WNT9B: variants seen among roughly 807,000 people sequenced by gnomAD.
WNT9B encodes the protein protein Wnt-9b.
Under a neutral mutation model 30.2 loss-of-function variants are expected in WNT9B, and 12 were observed. The ratio of observed to expected loss-of-function variants is 0.40; its 90% CI spans 0.26 to 0.64. The LOEUF (loss-of-function observed/expected upper bound fraction) is 0.64, where lower values mean the gene tolerates loss of function less well. Among genes scored for constraint, WNT9B ranks in the 30% least tolerant of loss-of-function variants. The pLI, the probability that WNT9B is intolerant of heterozygous loss-of-function variation, is 0.42. For synonymous variants in WNT9B, 218 were observed against 216.9 expected (o/e 1.01, Z -0.05); for missense variants, 442 against 485.2 (o/e 0.91, Z 0.84).
rs377194393 is a variant in WNT9B at position 46,879,479 on chromosome 17, G to A, written c.*2761G>A. On this transcript the variant is annotated 3_prime_UTR_variant, in exon 4 of 4. Transcript: ENST00000290015. ...TCTTACTCATAATGATAATGACAACGAGAATTCCCACACCTGGCATTTGTA... is the reference window on the plus strand; with the variant it reads ...TCTTACTCATAATGATAATGACAACAAGAATTCCCACACCTGGCATTTGTA... Among the ~76,000 whole-genome samples the A allele has an allele frequency of 2.0e-5, 3 of 152,206 alleles. No individual in the cohort carries two copies. The highest frequency in any genetic ancestry group is 6.5e-5 in the Admixed American group (1 of 15,278).
chr17:46,835,729 G>T (rs2084620604), intron 1 of WNT9B, among the ~76,000 whole-genome samples: 3 of 152,244 alleles, frequency 2.0e-5, no homozygotes. Context: ...AGTTGTTAAG[G>T]GTTGGGAGAA....
At chr17:46,859,370 A>T (rs1372575567) in intron 1 of WNT9B, among the ~76,000 whole-genome samples, 1 of 152,148 alleles carries the variant, frequency 6.6e-6, no homozygotes, top group Non-Finnish European at 1.5e-5. Context: ...TTGCATATGA[A>T]TGTCCACGTG....
intron 1 of WNT9B, among the ~76,000 whole-genome samples, chr17:46,858,468 T>C (rs955173994): frequency 1.2e-4 from 17 of 143,888 alleles, no homozygotes; most frequent in African/African-American, 4.9e-4. Flanking sequence ...TTTCTCCTTT[T>C]TATTTTATTT....
downstream of WNT9B, among the ~76,000 whole-genome samples, chr17:46,883,805 CCTCT>C (rs1184557869): frequency 1.3e-5 from 2 of 152,090 alleles, no homozygotes; most frequent in Non-Finnish European, 2.9e-5. Flanking sequence ...CTTGTCTTCT[CCTCT>C]CTCTCTTTCT....
intron 1 of WNT9B, among the ~76,000 whole-genome samples, chr17:46,841,766 G>A (rs905186980): frequency 1.3e-5 from 2 of 152,226 alleles, no homozygotes; most frequent in Admixed American, 6.5e-5. Flanking sequence ...TGAGGCAGGC[G>A]GACAGGGAAG....
At chr17:46,838,053 T>A (rs2084654420) in intron 1 of WNT9B, among the ~76,000 whole-genome samples, 1 of 152,062 alleles carries the variant, frequency 6.6e-6, no homozygotes, top group Non-Finnish European at 1.5e-5. Context: ...CCAACCCCTG[T>A]GTTGAGGGGG....
chr17:46,875,026 AG>A, intron 2 of WNT9B, 74 bp from the exon 3 acceptor site: 4 of 1,610,558 alleles, frequency 2.5e-6, no homozygotes, highest in Non-Finnish European at 3.4e-6. Flanking sequence ...AGAGGGCGGC[AG>A]GCAACCTCTA....
At chr17:46,875,517 C>A in intron 3 of WNT9B, 151 bp downstream of exon 3, 1 of 1,147,486 alleles carries the variant, frequency 8.7e-7, no homozygotes, top group Non-Finnish European at 1.2e-6. Context: ...CTTCAACCAG[C>A]ATTCCCTTGG....
chr17:46,852,198 G>A (rs539049434), intron 1 of WNT9B, among the ~76,000 whole-genome samples: 60 of 152,368 alleles, frequency 3.9e-4, no homozygotes, highest in African/African-American at 1.4e-3. Flanking sequence ...CTGGGTGGAT[G>A]GGTGGGACGG....
In WNT9B at chr17:46,875,373, A is replaced by G; in HGVS notation, c.600+7A>G. The G allele has an allele frequency of 6.3e-7, 1 of 1,590,652 alleles. No homozygotes were observed. The highest frequency in any genetic ancestry group is 8.6e-7 in the Non-Finnish European group (1 of 1,165,446). On this transcript the variant is annotated splice_region_variant and intron_variant, in intron 3 of 3. Coordinates refer to ENST00000290015, the MANE Select transcript of WNT9B (RefSeq NM_003396.3). ...TACCCACGTGGGCATCAAGGTGAGCATGTCCCTGGCTGCCCGCAGTGCCTT... is the reference window on the plus strand; with the variant it reads ...TACCCACGTGGGCATCAAGGTGAGCGTGTCCCTGGCTGCCCGCAGTGCCTT...
At chr17:46,847,105 A>G (rs2084784822), upstream of WNT9B, among the ~76,000 whole-genome samples, 1 of 152,244 alleles carries the variant, frequency 6.6e-6, no homozygotes, top group South Asian at 2.1e-4. Flanking sequence ...AAATGCAAGG[A>G]AGATAAAAAC....
intron 1 of WNT9B, among the ~76,000 whole-genome samples, chr17:46,836,981 C>T (rs577309369): frequency 4.3e-4 from 66 of 152,138 alleles, no homozygotes; most frequent in African/African-American, 1.5e-3. Flanking sequence ...CTCGCTCTGT[C>T]GCCCAGGCTG....
At chr17:46,858,205 C>T (rs966709095) in intron 1 of WNT9B, among the ~76,000 whole-genome samples, 29 of 152,218 alleles carry the variant, frequency 1.9e-4, no homozygotes, top group Admixed American at 1.8e-3. Context: ...GCTGGGATTA[C>T]AGGCGTGAGC....
In WNT9B at chr17:46,851,601, C is replaced by G; in HGVS notation, c.-38C>G. On this transcript the variant is annotated 5_prime_UTR_variant, in exon 1 of 4. Coordinates refer to ENST00000290015, the MANE Select transcript of WNT9B (RefSeq NM_003396.3). This position sits in a 1 kb window ranked among gnomAD's most constrained non-coding sequence, Gnocchi z 4.3. ...GTGGCGGAGCTGCGAGCTTGAGCGG[C>G]GCGAGGAGATGCTAGAGGGCGCAGC... 8.4e-7 allele frequency: 1 copy of G among 1,187,382 alleles called. No homozygotes were observed. Among genetic ancestry groups the G allele is most frequent in the Non-Finnish European group, 1.1e-6 (1 of 944,110 alleles). 73.6% of individuals were successfully genotyped at this position (1,187,382 alleles called of 1,614,324 possible). A position where few individuals can be genotyped will look rare whatever the true frequency, so the allele number is the denominator to read the frequency against.
chr17:46,852,232 G>A (rs1002876395), intron 1 of WNT9B, among the ~76,000 whole-genome samples: 3 of 152,184 alleles, frequency 2.0e-5, no homozygotes, highest in African/African-American at 7.2e-5. Flanking sequence ...TCGGGGCAGA[G>A]GATCGTGCGC....
downstream of WNT9B, among the ~76,000 whole-genome samples, chr17:46,881,697 G>A (rs560945290): frequency 1.3e-5 from 2 of 152,180 alleles, no homozygotes; most frequent in Middle Eastern, 6.8e-3. Context: ...CAGGAGGACC[G>A]GGGCTTGTTG....
upstream of WNT9B, among the ~76,000 whole-genome samples, chr17:46,849,897 G>A (rs1264858686): frequency 6.7e-6 from 1 of 149,464 alleles, no homozygotes; most frequent in Non-Finnish European, 1.5e-5. Context: ...GCCCAGGCCA[G>A]AGTGCAATGG....
chr17:46,836,132 G>GTGTGTC (rs2084627417), intron 1 of WNT9B, among the ~76,000 whole-genome samples: 1 of 149,786 alleles, frequency 6.7e-6, no homozygotes, highest in Non-Finnish European at 1.5e-5. Context: ...GTGTGTGTGT[G>GTGTGTC]TGTCTCGGTT....
intron 1 of WNT9B, among the ~76,000 whole-genome samples, chr17:46,862,708 G>A (rs886243461): frequency 6.6e-6 from 1 of 152,050 alleles, no homozygotes; most frequent in Non-Finnish European, 1.5e-5. Flanking sequence ...TCAGCCTCCC[G>A]AGTAGCTAGG....
Sources: allele counts gnomAD v4.1 joint callset (sites outside exome capture counted in the v4.1 genomes callset), GRCh38; gene constraint gnomAD v4.1.1; non-coding constraint Gnocchi (gnomAD v3.1); transcripts MANE v1.5; gene names NCBI Gene and HGNC (gene_info 2026-07-23, HGNC 2026-07-21).